The following HSD17B12 variants were observed in gnomAD, a reference collection of about 807,000 sequenced individuals.
The protein encoded by HSD17B12 is hydroxysteroid 17-beta dehydrogenase 12, also known as very-long-chain 3-oxoacyl-CoA reductase.
In HSD17B12, 32 loss-of-function variants were observed where a neutral mutation model predicts 39.3. The ratio of observed to expected loss-of-function variants is 0.81; its 90% CI spans 0.61 to 1.09. The LOEUF is 1.09. Among genes scored for constraint, HSD17B12 ranks in the 50% least tolerant of loss-of-function variants. The pLI is 0.00. For missense variants in HSD17B12, 342 were observed against 382.9 expected, an observed-to-expected ratio of 0.89 and a Z score of 0.89; for synonymous variants, 150 against 146.7, an observed-to-expected ratio of 1.02 and a Z score of -0.16.
At chr11:43,739,330 A>T (rs1950343805) in intron 1 of HSD17B12, among the ~76,000 whole-genome samples, 1 of 152,202 alleles carries the variant, frequency 6.6e-6, no homozygotes, top group Admixed American at 6.5e-5. Flanking sequence ...GGTTTAACTG[A>T]AAAACCTCAA....
intron 7 of HSD17B12, among the ~76,000 whole-genome samples, chr11:43,837,257 T>C (rs1951379935): frequency 6.6e-6 from 1 of 152,166 alleles, no homozygotes; most frequent in East Asian, 1.9e-4. Context: ...GGGGTCTTTA[T>C]AGTCCCTTTT....
chr11:43,707,026 T>C (rs1181434380), intron 1 of HSD17B12, among the ~76,000 whole-genome samples: 1 of 152,188 alleles, frequency 6.6e-6, no homozygotes, highest in African/African-American at 2.4e-5. Context: ...ACATATACCA[T>C]AGATATATCA....
At chr11:43,659,631 A>G in the HSD17B12 span, among the ~76,000 whole-genome samples, 2 of 151,914 alleles carry the variant, frequency 1.3e-5, no homozygotes, top group African/African-American at 4.9e-5. Context: ...CAAAATTAAA[A>G]ACTTTTCCTT....
At chr11:43,579,163 C>G in the HSD17B12 span, 1 of 152,082 alleles carries the variant, frequency 6.6e-6, no homozygotes, top group East Asian at 2.0e-4. Flanking sequence ...ATTTGAACTC[C>G]GTCGCTTGCT....
chr11:43,703,393 A>T (rs1358509896), intron 1 of HSD17B12, among the ~76,000 whole-genome samples: 6 of 151,922 alleles, frequency 3.9e-5, no homozygotes, highest in Non-Finnish European at 1.5e-5. Context: ...ACGGGGTTTC[A>T]CCGTTTTAGC....
At position 43,830,873 on chromosome 11, in the gene HSD17B12, G is replaced by T. The variant is rs1443329211; in HGVS notation, c.502-103G>T. The T allele has an allele frequency of 3.4e-6, 3 of 884,002 alleles. No individual in the cohort carries two copies. In the Admixed American group the frequency reaches 6.0e-5, roughly 18 times the overall value. The allele number at this position is 884,002 out of a possible 1,614,324, so 54.8% of individuals were successfully genotyped here. On this transcript the variant is annotated intron_variant, in intron 6 of 10. Transcript: ENST00000278353. Reference sequence around the variant, plus strand: ...CCTGCTGTCTGTAGAAGTGGTGAATGGTTTCATGATTCCCTTCTTTTTAGT... The same window carrying T: ...CCTGCTGTCTGTAGAAGTGGTGAATTGTTTCATGATTCCCTTCTTTTTAGT...
At chr11:43,632,061 T>C in the HSD17B12 span, among the ~76,000 whole-genome samples, 1 of 152,174 alleles carries the variant, frequency 6.6e-6, no homozygotes, top group Non-Finnish European at 1.5e-5. Flanking sequence ...TTCTAAAAAG[T>C]TGTCAGAAAG....
intron 3 of HSD17B12, among the ~76,000 whole-genome samples, chr11:43,778,550 C>T (rs2135004654): frequency 6.6e-6 from 1 of 150,920 alleles, no homozygotes; most frequent in East Asian, 1.9e-4. Flanking sequence ...AATTTTAGAC[C>T]AATATCCTTG....
the HSD17B12 span, among the ~76,000 whole-genome samples, chr11:43,574,893 C>T: frequency 6.6e-6 from 1 of 152,194 alleles, no homozygotes; most frequent in East Asian, 1.9e-4. Flanking sequence ...TACCATTCAA[C>T]AAAAGTTATT....
At chr11:43,690,446 C>T (rs2134780660) in intron 1 of HSD17B12, among the ~76,000 whole-genome samples, 1 of 119,482 alleles carries the variant, frequency 8.4e-6, no homozygotes, top group South Asian at 2.9e-4. Context: ...CACTATATTG[C>T]CCAGGCTGGC....
At chr11:43,681,239 G>A in intron 1 of HSD17B12, 5 of 1,046,102 alleles carry the variant, frequency 4.8e-6, no homozygotes, top group Non-Finnish European at 6.2e-6. Flanking sequence ...TTAGGGTGTA[G>A]GAGAAAACTG....
chr11:43,780,125 TAC>T (rs774765118), intron 3 of HSD17B12, among the ~76,000 whole-genome samples: 1 of 152,198 alleles, frequency 6.6e-6, no homozygotes, highest in Non-Finnish European at 1.5e-5. Context: ...CATATTGCCT[TAC>T]ACACTCCCTG....
intron 3 of HSD17B12, among the ~76,000 whole-genome samples, chr11:43,775,536 C>A (rs953469535): frequency 6.6e-6 from 1 of 151,932 alleles, no homozygotes; most frequent in African/African-American, 2.4e-5. Flanking sequence ...ATATTCCATT[C>A]TATGAAGTTC....
the HSD17B12 span, among the ~76,000 whole-genome samples, chr11:43,654,282 G>A: frequency 9.9e-5 from 15 of 152,182 alleles, no homozygotes; most frequent in African/African-American, 2.9e-4. Context: ...TTCTTTGTAG[G>A]TTCTGGATAT....
At chr11:43,637,216 C>CTTT in the HSD17B12 span, among the ~76,000 whole-genome samples, 1 of 102,476 alleles carries the variant, frequency 9.8e-6, no homozygotes. Context: ...TGGTGTTTTT[C>CTTT]CTTTTTTTTT....
At chr11:43,604,817 A>G in the HSD17B12 span, among the ~76,000 whole-genome samples, 2 of 152,204 alleles carry the variant, frequency 1.3e-5, no homozygotes, top group African/African-American at 4.8e-5. Context: ...AAATTTTTCA[A>G]TCATGTCTTA....
the HSD17B12 span, among the ~76,000 whole-genome samples, chr11:43,661,581 G>A: frequency 2.0e-5 from 3 of 152,158 alleles, no homozygotes; most frequent in African/African-American, 4.8e-5. Flanking sequence ...GGGAGGCAGA[G>A]GTGGGAGGAT....
At chr11:43,631,555 G>GTC in the HSD17B12 span, among the ~76,000 whole-genome samples, 11 of 151,160 alleles carry the variant, frequency 7.3e-5, no homozygotes, top group East Asian at 1.9e-4. Context: ...GTGTGTGTGT[G>GTC]TCTCTCTCTC....
At chr11:43,673,817 A>AT in the HSD17B12 span, among the ~76,000 whole-genome samples, 1 of 152,020 alleles carries the variant, frequency 6.6e-6, no homozygotes, top group African/African-American at 2.4e-5. Context: ...GCCTTTAGTC[A>AT]TTTTTTAGAT....
Sources: allele counts gnomAD v4.1 joint callset (sites outside exome capture counted in the v4.1 genomes callset), GRCh38; gene constraint gnomAD v4.1.1; transcripts MANE v1.5; gene names NCBI Gene and HGNC (gene_info 2026-07-23, HGNC 2026-07-21).